Variants in NALCN observed in about 807,000 individuals in gnomAD.
NALCN encodes sodium leak channel NALCN.
A neutral mutation model predicts 225.3 loss-of-function variants in NALCN; 111 were observed. The observed-to-expected ratio is 0.49, with a 90% CI of 0.42 to 0.58. The LOEUF is 0.58. NALCN is among the 20% of genes least tolerant of loss of function. NALCN has a pLI of 0.00. For synonymous variants in NALCN, 764 were observed against 769.0 expected, an observed-to-expected ratio of 0.99 and a Z score of 0.11; for missense variants, 1,378 against 2,202.4, an observed-to-expected ratio of 0.63 and a Z score of 7.49.
chr13:101,366,097 G>A (rs908017414), intron 6 of NALCN, among the ~76,000 whole-genome samples: 1 of 152,004 alleles, frequency 6.6e-6, no homozygotes, highest in Non-Finnish European at 1.5e-5. Context: ...CATCACAGTT[G>A]GTATTTCACA....
At chr13:101,149,240 C>T (rs2037513604) in intron 15 of NALCN, among the ~76,000 whole-genome samples, 2 of 151,202 alleles carry the variant, frequency 1.3e-5, no homozygotes, top group African/African-American at 4.9e-5. Context: ...TTACAGTGAG[C>T]CAAGATTGTG....
intron 17 of NALCN, among the ~76,000 whole-genome samples, chr13:101,126,057 A>T (rs368972036): frequency 3.3e-5 from 5 of 152,342 alleles, no homozygotes; most frequent in African/African-American, 1.2e-4. Context: ...ACAGCACCCC[A>T]TTCTACAAAC....
At chr13:101,202,694 G>A (rs1454859624) in intron 13 of NALCN, among the ~76,000 whole-genome samples, 1 of 152,082 alleles carries the variant, frequency 6.6e-6, no homozygotes, top group Non-Finnish European at 1.5e-5. Flanking sequence ...AGCCTCCAAA[G>A]GGACTTCGAC....
chr13:101,287,211 T>C lies in NALCN; in HGVS notation c.1048-3192A>G, dbSNP rs151288698. On this transcript the variant is annotated intron_variant, in intron 9 of 43. Coordinates refer to ENST00000251127, the MANE Select transcript of NALCN (RefSeq NM_052867.4). ...CTTTTGGATACATATTGCCAAACGGTTTTCTGGAAAAGATGTTTTAATTCA... is the reference window on the plus strand; with the variant it reads ...CTTTTGGATACATATTGCCAAACGGCTTTCTGGAAAAGATGTTTTAATTCA... Among the ~76,000 whole-genome samples, 55 of 152,318 alleles carry C rather than the reference T, an allele frequency of 3.6e-4. 1 individual carries two copies. Among genetic ancestry groups the C allele is most frequent in the African/African-American group, 1.2e-3 (51 of 41,574 alleles).
At chr13:101,284,175 T>C (rs1305587432) in intron 9 of NALCN, among the ~76,000 whole-genome samples, 156 bp from the exon 10 acceptor site, 10 of 152,236 alleles carry the variant, frequency 6.6e-5, no homozygotes, top group East Asian at 1.9e-4. Flanking sequence ...TTCTTTAACA[T>C]TGAAAGCTTA....
intron 30 of NALCN, among the ~76,000 whole-genome samples, chr13:101,086,139 T>G (rs1236790074): frequency 6.6e-6 from 1 of 152,062 alleles, no homozygotes; most frequent in East Asian, 1.9e-4. Flanking sequence ...TTTGTTATTC[T>G]TGAATATTAT....
At chr13:101,311,125 G>C (rs1029353730) in intron 7 of NALCN, among the ~76,000 whole-genome samples, 8 of 150,376 alleles carry the variant, frequency 5.3e-5, no homozygotes, top group Non-Finnish European at 3.0e-5. Flanking sequence ...TGAAGCAACT[G>C]TGAATGGGAG....
At position 101,141,741 on chromosome 13, in the gene NALCN, G is replaced by C. The variant is rs539710199; in HGVS notation, c.2118+1339C>G. Among the ~76,000 whole-genome samples the C allele has an allele frequency of 1.7e-3, 257 of 152,282 alleles. 1 individual carries two copies. Among genetic ancestry groups the C allele is most frequent in the Middle Eastern group, 3.4e-3 (1 of 294 alleles). On this transcript the variant is annotated intron_variant, in intron 17 of 43. Transcript: ENST00000251127. ...AGGGAATTCCAAAGGGTTCATCCCTGTGGGAAGGGAAAGAAAGCGGAGAGA... is the reference window on the plus strand; with the variant it reads ...AGGGAATTCCAAAGGGTTCATCCCTCTGGGAAGGGAAAGAAAGCGGAGAGA...
At chr13:101,413,966 C>G (rs926066918) in intron 1 of NALCN, among the ~76,000 whole-genome samples, 1 of 152,052 alleles carries the variant, frequency 6.6e-6, no homozygotes, top group Non-Finnish European at 1.5e-5. Context: ...CCTGCTGCAG[C>G]CTTGACATCT....
At chr13:101,364,465 A>C (rs2139375646) in intron 6 of NALCN, among the ~76,000 whole-genome samples, 1 of 152,274 alleles carries the variant, frequency 6.6e-6, no homozygotes, top group African/African-American at 2.4e-5. Context: ...TTATGTTAAA[A>C]GAAATAAGCC....
chr13:101,288,978 T>G (rs2043444543), intron 9 of NALCN, among the ~76,000 whole-genome samples: 1 of 152,222 alleles, frequency 6.6e-6, no homozygotes, highest in South Asian at 2.1e-4. Context: ...AGTAAAGGTC[T>G]GGGTTAGTGA....
rs2037253714 is a variant in NALCN, at chr13:101,144,609, T to C, written c.1976+151A>G. The C allele has an allele frequency of 4.8e-6, 3 of 623,444 alleles. No homozygotes were observed. In the East Asian group the frequency reaches 9.7e-5, roughly 20 times the overall value. The allele number at this position is 623,444 out of a possible 1,614,324, so 38.6% of individuals were successfully genotyped here. A position where few individuals can be genotyped will look rare whatever the true frequency, so the allele number is the denominator to read the frequency against. On this transcript the variant is annotated intron_variant, in intron 16 of 43. Coordinates refer to ENST00000251127, the MANE Select transcript of NALCN (RefSeq NM_052867.4). Reference sequence around the variant, plus strand: ...TCAAAGTTGTTTATTTATTTATTTATTTTAAATAGAGGTAGAGGTAGTAGA... The same window carrying C: ...TCAAAGTTGTTTATTTATTTATTTACTTTAAATAGAGGTAGAGGTAGTAGA...
intron 15 of NALCN, among the ~76,000 whole-genome samples, chr13:101,148,986 C>G (rs561184128): frequency 6.6e-6 from 1 of 152,258 alleles, no homozygotes; most frequent in African/African-American, 2.4e-5. Flanking sequence ...AATGTTTAGA[C>G]AAAGTACAGA....
rs748296251 is a variant in NALCN at position 101,292,455 on chromosome 13, A to C, written c.800-89T>G. ...AGAAAAACAATCAATATTTATCCAT[A>C]CTTATTTTCTCAATGACAAAAGTGC... On this transcript the variant is annotated intron_variant, in intron 7 of 43. Coordinates refer to ENST00000251127, the MANE Select transcript of NALCN (RefSeq NM_052867.4). The surrounding 1 kb of genome is among the most constrained non-coding windows in gnomAD (Gnocchi z 4.3). 3.1e-5 allele frequency: 42 copies of C among 1,357,988 alleles called. No homozygotes were observed. The highest frequency in any genetic ancestry group is 4.1e-5 in the Non-Finnish European group (41 of 1,007,834). 84.1% of individuals were successfully genotyped at this position (1,357,988 alleles called of 1,614,324 possible). A position where few individuals can be genotyped will look rare whatever the true frequency, so the allele number is the denominator to read the frequency against.
At chr13:101,090,248 A>G (rs975643824) in intron 28 of NALCN, among the ~76,000 whole-genome samples, 9 of 152,186 alleles carry the variant, frequency 5.9e-5, no homozygotes, top group African/African-American at 2.2e-4. Flanking sequence ...GGTGATCTCA[A>G]TGTAAAACAG....
At chr13:101,079,640 T>A (rs1036411847) in intron 34 of NALCN, among the ~76,000 whole-genome samples, 1 of 152,210 alleles carries the variant, frequency 6.6e-6, no homozygotes, top group South Asian at 2.1e-4. Flanking sequence ...TTGATGACTA[T>A]CTATCTACTT....
chr13:101,350,277 G>T (rs971922243), intron 6 of NALCN, among the ~76,000 whole-genome samples: 5 of 152,204 alleles, frequency 3.3e-5, no homozygotes, highest in Non-Finnish European at 5.9e-5. Flanking sequence ...TTTCCCCCAA[G>T]TATCCCAGTG....
At chr13:101,266,119 G>C (rs1268196726) in intron 10 of NALCN, among the ~76,000 whole-genome samples, 1 of 152,096 alleles carries the variant, frequency 6.6e-6, no homozygotes, top group African/African-American at 2.4e-5. Flanking sequence ...ACATCTTTTG[G>C]CTGTAAAACG....
chr13:101,387,387 T>C (rs1458277840), intron 3 of NALCN, among the ~76,000 whole-genome samples: 1 of 152,224 alleles, frequency 6.6e-6, no homozygotes, highest in Non-Finnish European at 1.5e-5. Context: ...ATATTTTAGA[T>C]GGAAATCAGT....
Sources: gnomAD v4.1 joint callset for allele counts (sites outside exome capture counted in the v4.1 genomes callset) on GRCh38, gnomAD v4.1.1 for gene constraint, Gnocchi (gnomAD v3.1) non-coding constraint, MANE v1.5 for transcripts, NCBI Gene and HGNC (gene_info 2026-07-23, HGNC 2026-07-21) for gene names.